Variants in SAMD4A observed in about 807,000 individuals in gnomAD.
SAMD4A encodes the protein sterile alpha motif domain containing 4A, also known as protein Smaug homolog 1.
A neutral mutation model predicts 81.3 loss-of-function variants in SAMD4A; 33 were observed. That is an observed-to-expected ratio of 0.41 (90% CI 0.31 to 0.54). SAMD4A has a LOEUF of 0.54. SAMD4A is among the 20% of genes least tolerant of loss of function. The pLI, the probability that SAMD4A is intolerant of heterozygous loss-of-function variation, is 0.37. For synonymous variants in SAMD4A, 389 were observed against 382.1 expected (o/e 1.02, Z -0.21); for missense variants, 854 against 951.1 (o/e 0.90, Z 1.34).
rs144812885 is a variant in SAMD4A, at chr14:54,626,573, G to A, written c.196+58461G>A. ...ATGGCCAACTTTGACTTTCCAAGTC[G>A]AACGGGTCTCCCTTAAACCTGCTTT... On this transcript the variant is annotated intron_variant, in intron 2 of 12. Coordinates refer to ENST00000554335, the MANE Select transcript of SAMD4A (RefSeq NM_015589.6). 2.7e-3 allele frequency among the ~76,000 whole-genome samples: 414 copies of A among 152,214 alleles called. 2 individuals carry two copies. Among genetic ancestry groups the A allele is most frequent in the African/African-American group, 9.2e-3 (382 of 41,524 alleles).
intron 4 of SAMD4A, among the ~76,000 whole-genome samples, chr14:54,741,597 A>G (rs1566614237): frequency 6.6e-6 from 1 of 152,236 alleles, no homozygotes; most frequent in Non-Finnish European, 1.5e-5. Context: ...TCACTATCAG[A>G]TGAGCAAAAA....
intron 2 of SAMD4A, among the ~76,000 whole-genome samples, chr14:54,607,026 C>T (rs2034225820): frequency 6.6e-6 from 1 of 152,162 alleles, no homozygotes. Context: ...CCACTGGACT[C>T]GGAACATGAG....
chr14:54,763,725 C>T (rs1300489212), intron 7 of SAMD4A, among the ~76,000 whole-genome samples: 2 of 152,140 alleles, frequency 1.3e-5, no homozygotes. Flanking sequence ...TGGCCCTGTA[C>T]ACATGACTAA....
At chr14:54,579,614 A>G (rs1053265577) in intron 2 of SAMD4A, among the ~76,000 whole-genome samples, 1 of 152,218 alleles carries the variant, frequency 6.6e-6, no homozygotes, top group African/African-American at 2.4e-5. Flanking sequence ...ATGACATTTT[A>G]ACTCTCCATA....
chr14:54,599,594 T>C (rs572233834), intron 2 of SAMD4A, among the ~76,000 whole-genome samples: 119 of 152,368 alleles, frequency 7.8e-4, no homozygotes, highest in Non-Finnish European at 1.3e-3. Context: ...CATGGCTGTT[T>C]GTCTAGCTCT....
chr14:54,603,856 C>T (rs559958125), intron 2 of SAMD4A, among the ~76,000 whole-genome samples: 2 of 152,210 alleles, frequency 1.3e-5, no homozygotes, highest in Admixed American at 6.5e-5. Context: ...ATGGAGTCCT[C>T]GCTCTGTCTC....
chr14:54,787,189 G>A (rs1319003017), intron 12 of SAMD4A, among the ~76,000 whole-genome samples: 1 of 152,190 alleles, frequency 6.6e-6, no homozygotes, highest in Non-Finnish European at 1.5e-5. Flanking sequence ...GAGAAAGAGA[G>A]GCTCACATCT....
chr14:54,770,482 T>C (rs908670469), intron 9 of SAMD4A, among the ~76,000 whole-genome samples: 1 of 152,202 alleles, frequency 6.6e-6, no homozygotes, highest in African/African-American at 2.4e-5. Flanking sequence ...TCCGGATGGG[T>C]ATCAGAGGGG....
Position 54,770,198 on chromosome 14 carries a change from T to C in SAMD4A, c.1691T>C (p.Ile564Thr), listed in dbSNP as rs1346306917. The C allele has an allele frequency of 1.9e-6, 3 of 1,611,752 alleles. No individual in the cohort carries two copies. Among genetic ancestry groups the C allele is most frequent in the Non-Finnish European group, 2.5e-6 (3 of 1,177,884 alleles). The change falls in exon 9 of 13, where the codon ATA (isoleucine) becomes ACA (threonine). Residue 564 changes from isoleucine (I) to threonine (T), a missense_variant. Ile to Thr is a moderately conservative substitution (Grantham distance 89). Transcript: ENST00000554335. ...RSFPRKTLLD[I>T]SGYRQQRNRG... ...TTCCCTCGGAAAACCCTTCTAGACATATCAGGATATCGACAGCAAAGAAAG... is the reference window on the plus strand; with the variant it reads ...TTCCCTCGGAAAACCCTTCTAGACACATCAGGATATCGACAGCAAAGAAAG...
chr14:54,660,947 C>G (rs80126011), intron 2 of SAMD4A, among the ~76,000 whole-genome samples: 2 of 152,218 alleles, frequency 1.3e-5, no homozygotes, highest in African/African-American at 4.8e-5. Context: ...ATACACTATT[C>G]AGGCATCTTT....
In SAMD4A at chr14:54,668,043, C is replaced by T. The variant is rs372717959; in HGVS notation, c.197-34019C>T. Among the ~76,000 whole-genome samples the T allele has an allele frequency of 2.0e-5, 3 of 152,180 alleles. 1 individual carries two copies. Among genetic ancestry groups the T allele is most frequent in the Middle Eastern group, 6.3e-3 (2 of 316 alleles). Reference sequence around the variant, plus strand: ...CACCAGATGCATCTCCACACACTGCCGTTCTGATCGGATTTCCGCCTCAAA... The same window carrying T: ...CACCAGATGCATCTCCACACACTGCTGTTCTGATCGGATTTCCGCCTCAAA... On this transcript the variant is annotated intron_variant, in intron 2 of 12. Transcript: ENST00000554335.
intron 2 of SAMD4A, among the ~76,000 whole-genome samples, chr14:54,643,469 A>G (rs1471994460): frequency 1.3e-5 from 2 of 152,230 alleles, no homozygotes; most frequent in Non-Finnish European, 2.9e-5. Flanking sequence ...TTATGGAAGT[A>G]CCAGCCTTGA....
At chr14:54,685,480 G>T (rs546980345) in intron 2 of SAMD4A, among the ~76,000 whole-genome samples, 1 of 152,168 alleles carries the variant, frequency 6.6e-6, no homozygotes, top group East Asian at 1.9e-4. Flanking sequence ...TGTATATTCC[G>T]CATGTTGTTT....
chr14:54,632,659 C>T (rs1228327035), intron 2 of SAMD4A, among the ~76,000 whole-genome samples: 1 of 152,172 alleles, frequency 6.6e-6, no homozygotes, highest in Non-Finnish European at 1.5e-5. Context: ...TTGCTGGCTG[C>T]ATGGTATTCC....
chr14:54,760,967 G>T (rs2038381972), intron 7 of SAMD4A, among the ~76,000 whole-genome samples: 1 of 144,522 alleles, frequency 6.9e-6, no homozygotes. Flanking sequence ...GCCAGCCTTG[G>T]CAGTGGCCTC....
At chr14:54,642,967 G>C (rs941476897) in intron 2 of SAMD4A, among the ~76,000 whole-genome samples, 1 of 152,212 alleles carries the variant, frequency 6.6e-6, no homozygotes, top group African/African-American at 2.4e-5. Flanking sequence ...GCCCTGGACT[G>C]TGAGGGAAAC....
intron 3 of SAMD4A, among the ~76,000 whole-genome samples, chr14:54,727,814 G>A (rs780838530): frequency 1.1e-4 from 17 of 152,056 alleles, no homozygotes; most frequent in South Asian, 2.1e-4. Flanking sequence ...AGATGAACAC[G>A]CACGCGCACA....
chr14:54,772,457 G>A (rs1437519230), intron 9 of SAMD4A, among the ~76,000 whole-genome samples: 1 of 152,082 alleles, frequency 6.6e-6, no homozygotes, highest in Non-Finnish European at 1.5e-5. Flanking sequence ...GAGAAAGATG[G>A]CCTAGCCAAA....
At position 54,606,183 on chromosome 14, in the gene SAMD4A, C is replaced by CTGTGTGTGTGTGTGTG. The variant is rs57209362; in HGVS notation, c.196+38086_196+38101dup. On this transcript the variant is annotated intron_variant, in intron 2 of 12. Coordinates refer to ENST00000554335, the MANE Select transcript of SAMD4A (RefSeq NM_015589.6). ...CATTCCTCTATGTCTTACTTCTGGG[C>CTGTGTGTGTGTGTGTG]TGTGTGTGTGTGTGTGTGTGTGTGT... Among the ~76,000 whole-genome samples, 335 of 146,664 alleles carry CTGTGTGTGTGTGTGTG rather than the reference C, an allele frequency of 2.3e-3. 1 individual carries two copies. Among genetic ancestry groups the CTGTGTGTGTGTGTGTG allele is most frequent in the African/African-American group, 8.2e-3 (320 of 39,088 alleles).
Sources: gnomAD v4.1 joint callset for allele counts (sites outside exome capture counted in the v4.1 genomes callset) on GRCh38, gnomAD v4.1.1 for gene constraint, MANE v1.5 for transcripts, NCBI Gene and HGNC (gene_info 2026-07-23, HGNC 2026-07-21) for gene names.